Variants in HS6ST3 observed in about 807,000 individuals in gnomAD.
HS6ST3 encodes heparan-sulfate 6-O-sulfotransferase 3.
Under a neutral mutation model 36.7 loss-of-function variants are expected in HS6ST3, and 12 were observed. That is an observed-to-expected ratio of 0.33 (90% CI 0.21 to 0.53). The LOEUF (loss-of-function observed/expected upper bound fraction) is 0.53, where lower values mean the gene tolerates loss of function less well. Ranked by LOEUF, HS6ST3 falls within the 20% of genes least tolerant of loss-of-function variation. The pLI, the probability that HS6ST3 is intolerant of heterozygous loss-of-function variation, is 0.95. For synonymous variants in HS6ST3, 240 were observed against 257.5 expected, an observed-to-expected ratio of 0.93 and a Z score of 0.65; for missense variants, 584 against 640.9, an observed-to-expected ratio of 0.91 and a Z score of 0.96.
At chr13:96,698,154 T>G (rs1174706597) in intron 1 of HS6ST3, among the ~76,000 whole-genome samples, 2 of 152,128 alleles carry the variant, frequency 1.3e-5, no homozygotes, top group Admixed American at 6.6e-5. Context: ...ATTAACTCAT[T>G]ATTTAACATT....
chr13:96,123,234 T>C (rs978640414), intron 1 of HS6ST3, among the ~76,000 whole-genome samples: 2 of 152,224 alleles, frequency 1.3e-5, no homozygotes, highest in African/African-American at 4.8e-5. Context: ...GTTAACTTAT[T>C]ACCAATGCTT....
chr13:96,627,328 A>G lies in HS6ST3; in HGVS notation c.708-205162A>G, dbSNP rs565589708. 2.0e-5 allele frequency among the ~76,000 whole-genome samples: 3 copies of G among 152,170 alleles called. No homozygotes were observed. The South Asian group carries it at 6.2e-4, about 32-fold the overall frequency. ...TTTATCTTTTGAAATGATAAGTTAG[A>G]GTAATCAATTTTCTAACAATCTTGT... is the stretch of plus-strand genomic sequence containing the variant. On this transcript the variant is annotated intron_variant, in intron 1 of 1. Coordinates refer to ENST00000376705, the MANE Select transcript of HS6ST3 (RefSeq NM_153456.4).
intron 1 of HS6ST3, among the ~76,000 whole-genome samples, chr13:96,359,439 A>G (rs1282411475): frequency 1.3e-5 from 2 of 152,216 alleles, no homozygotes; most frequent in African/African-American, 4.8e-5. Flanking sequence ...TTGATTAATC[A>G]GTACACTTTT....
At chr13:96,139,357 T>C (rs913009761) in intron 1 of HS6ST3, among the ~76,000 whole-genome samples, 1 of 151,814 alleles carries the variant, frequency 6.6e-6, no homozygotes, top group African/African-American at 2.4e-5. Context: ...AAGGAAAGAA[T>C]ACATGAAAAA....
At chr13:96,632,527 C>A (rs1291119031) in intron 1 of HS6ST3, among the ~76,000 whole-genome samples, 1 of 152,034 alleles carries the variant, frequency 6.6e-6, no homozygotes, top group Non-Finnish European at 1.5e-5. Context: ...TTCTGCAATT[C>A]GATCTTTTTA....
intron 1 of HS6ST3, among the ~76,000 whole-genome samples, chr13:96,335,898 C>A (rs1028114585): frequency 6.6e-6 from 1 of 152,128 alleles, no homozygotes; most frequent in African/African-American, 2.4e-5. Context: ...ATGAGACTTT[C>A]TTTAGAATAT....
intron 1 of HS6ST3, among the ~76,000 whole-genome samples, chr13:96,696,952 A>G (rs1875145084): frequency 6.6e-6 from 1 of 152,178 alleles, no homozygotes; most frequent in South Asian, 2.1e-4. Flanking sequence ...TAAATGGGCA[A>G]TCAGAATCTT....
At chr13:96,498,851 T>G (rs1257399619) in intron 1 of HS6ST3, among the ~76,000 whole-genome samples, 1 of 152,194 alleles carries the variant, frequency 6.6e-6, no homozygotes. Flanking sequence ...CTGTCATACT[T>G]CTCCTACCTT....
intron 1 of HS6ST3, among the ~76,000 whole-genome samples, chr13:96,505,353 T>C (rs1485004723): frequency 6.6e-6 from 1 of 152,122 alleles, no homozygotes; most frequent in African/African-American, 2.4e-5. Flanking sequence ...CCCACATTCC[T>C]CCCAGCACTG....
intron 1 of HS6ST3, among the ~76,000 whole-genome samples, chr13:96,774,167 A>T (rs1877336590): frequency 6.6e-6 from 1 of 152,200 alleles, no homozygotes; most frequent in Non-Finnish European, 1.5e-5. Context: ...CAAAAACCCC[A>T]TTCAAAGGTC....
At chr13:96,108,269 G>A (rs1157294579) in intron 1 of HS6ST3, among the ~76,000 whole-genome samples, 4 of 152,238 alleles carry the variant, frequency 2.6e-5, no homozygotes, top group East Asian at 3.9e-4. Flanking sequence ...CTCCTGTAGC[G>A]CCCCCAGGCT....
chr13:96,554,826 TG>T (rs2056233785), intron 1 of HS6ST3, among the ~76,000 whole-genome samples: 1 of 152,010 alleles, frequency 6.6e-6, no homozygotes, highest in Non-Finnish European at 1.5e-5. Flanking sequence ...CCCAGCACTT[TG>T]GGAGGCTGAA....
chr13:96,372,756 C>G (rs2055295941), intron 1 of HS6ST3, among the ~76,000 whole-genome samples: 1 of 152,100 alleles, frequency 6.6e-6, no homozygotes, highest in Non-Finnish European at 1.5e-5. Context: ...AGCCAGTTTT[C>G]CCAGCAGTAT....
At chr13:96,815,533 A>C (rs1878402674) in intron 1 of HS6ST3, among the ~76,000 whole-genome samples, 1 of 152,154 alleles carries the variant, frequency 6.6e-6, no homozygotes, top group Admixed American at 6.5e-5. Context: ...GATTGGTAAA[A>C]ATCAGCAGTT....
At chr13:96,178,030 C>T (rs1224035345) in intron 1 of HS6ST3, among the ~76,000 whole-genome samples, 1 of 151,896 alleles carries the variant, frequency 6.6e-6, no homozygotes, top group Admixed American at 6.6e-5. Flanking sequence ...AAAGGGGAGG[C>T]CTTATCTTTT....
intron 1 of HS6ST3, among the ~76,000 whole-genome samples, chr13:96,695,780 G>A (rs1321538485): frequency 6.6e-6 from 1 of 151,860 alleles, no homozygotes; most frequent in African/African-American, 2.4e-5. Context: ...CAAAAATTTA[G>A]TATAAAAATG....
At chr13:96,205,072 A>G (rs955373250) in intron 1 of HS6ST3, among the ~76,000 whole-genome samples, 5 of 150,048 alleles carry the variant, frequency 3.3e-5, no homozygotes, top group Admixed American at 2.7e-4. Flanking sequence ...AAATTAAAAA[A>G]TACATAGACT....
intron 1 of HS6ST3, among the ~76,000 whole-genome samples, chr13:96,193,605 T>C (rs1372437377): frequency 6.6e-6 from 1 of 152,090 alleles, no homozygotes; most frequent in Non-Finnish European, 1.5e-5. Context: ...ATACTGATTA[T>C]GGGCACACTC....
intron 1 of HS6ST3, among the ~76,000 whole-genome samples, chr13:96,509,504 C>T (rs977595374): frequency 6.6e-6 from 1 of 152,102 alleles, no homozygotes; most frequent in African/African-American, 2.4e-5. Context: ...TTTGATCCAT[C>T]TTGAGTTGAT....
Sources: gnomAD v4.1 joint callset for allele counts (sites outside exome capture counted in the v4.1 genomes callset) on GRCh38, gnomAD v4.1.1 for gene constraint, MANE v1.5 for transcripts, NCBI Gene and HGNC (gene_info 2026-07-23, HGNC 2026-07-21) for gene names.